The following ENTPD6 variants were observed in gnomAD, a reference collection of about 807,000 sequenced individuals.
The protein encoded by ENTPD6 is ectonucleoside triphosphate diphosphohydrolase 6.
A neutral mutation model predicts 61.5 loss-of-function variants in ENTPD6; 46 were observed. The observed-to-expected ratio is 0.75, with a 90% confidence interval of 0.59 to 0.96. The LOEUF (loss-of-function observed/expected upper bound fraction) is 0.96, where lower values mean the gene tolerates loss of function less well. Ranked by LOEUF, ENTPD6 falls within the 40% of genes least tolerant of loss-of-function variation. The pLI is 0.00. For missense variants in ENTPD6, 612 were observed against 629.0 expected (o/e 0.97, Z 0.29); for synonymous variants, 252 against 255.5 (o/e 0.99, Z 0.13).
Position 25,214,943 on chromosome 20 carries a change from G to A in ENTPD6, c.673+1G>A. 1 of 1,604,394 alleles carries A rather than the reference G, an allele frequency of 6.2e-7. No homozygotes were observed. The highest frequency in any genetic ancestry group is 8.5e-7 in the Non-Finnish European group (1 of 1,171,184). On this transcript the variant is annotated splice_donor_variant, in intron 6 of 14. Coordinates refer to ENST00000376652, the MANE Select transcript of ENTPD6 (RefSeq NM_001247.5). LOFTEE classifies it high-confidence loss of function. ...TCCATCATGAACGGAACAGATGAAG[G>A]TAAATGGCTGGAAGCACCTCTGTAC... is the stretch of plus-strand genomic sequence containing the variant.
At position 25,207,351 on chromosome 20, in the gene ENTPD6, C is replaced by G; in HGVS notation, c.330C>G (p.Ser110Arg). ...ACGGGATCATGTTTGATGCAGGAAG[C>G]ACTGGCACCCGAGTACACGTCTTCC... ...VFYGIMFDAG[S>R]TGTRVHVFQF... Residue 110 changes from serine to arginine, a missense_variant, in exon 3 of 15, where the codon AGC becomes AGG. Coordinates refer to ENST00000376652, the MANE Select transcript of ENTPD6 (RefSeq NM_001247.5). 1 of 1,566,124 alleles carries G rather than the reference C, an allele frequency of 6.4e-7. No homozygotes were observed. Among genetic ancestry groups the G allele is most frequent in the East Asian group, 2.3e-5 (1 of 44,140 alleles).
At chr20:25,210,052 A>C in intron 4 of ENTPD6, 127 bp downstream of exon 4, 1 of 875,100 alleles carries the variant, frequency 1.1e-6, no homozygotes, top group South Asian at 1.4e-5. Context: ...TGGGCATTTC[A>C]TGCCATTTGG....
At chr20:25,196,271 C>G (rs2090398598) in intron 1 of ENTPD6, 1 of 1,038,900 alleles carries the variant, frequency 9.6e-7, no homozygotes, top group Non-Finnish European at 1.2e-6. Flanking sequence ...TCAGGCCGCT[C>G]GGACAGGACT....
rs1203983309 is a variant in ENTPD6, at chr20:25,217,549, G to A, written c.846G>A (p.Met282Ile). ...CCGGCTACCTGACGGCACTGCGGAT[G>A]TTTAACAGGACCTACAAGCTCTATT... ...SPPGYLTALRMFNRTYKLYSY... is the reference protein window; with the variant it reads ...SPPGYLTALRIFNRTYKLYSY... The change falls in exon 9 of 15, where the codon ATG becomes ATA. Residue 282 changes from methionine (M) to isoleucine (I), a missense_variant. Physicochemically the swap from Met to Ile is conservative, Grantham distance 10. Transcript: ENST00000376652. 2.5e-6 allele frequency: 4 copies of A among 1,614,182 alleles called. No homozygotes were observed. The highest frequency in any genetic ancestry group is 8.5e-7 in the Non-Finnish European group (1 of 1,180,020).
rs1390932306 is a variant in ENTPD6 at position 25,220,036 on chromosome 20, C to G, written c.944-1196C>G. On this transcript the variant is annotated intron_variant, in intron 10 of 14. Transcript: ENST00000376652. ...GTTCCCAGGGAGTCGTGGCTCAGAC[C>G]CTGAGTCCTCTCACACCCAGCAGAG... is the stretch of plus-strand genomic sequence containing the variant. 2.0e-5 allele frequency among the ~76,000 whole-genome samples: 3 copies of G among 152,150 alleles called. No individual in the cohort carries two copies. The East Asian group carries it at 5.8e-4, about 29-fold the overall frequency.
At chr20:25,196,628 C>G (rs76787656) in intron 1 of ENTPD6, among the ~76,000 whole-genome samples, 26,671 of 152,110 alleles carry the variant, frequency 0.18, 3,182 homozygotes, top group Admixed American at 0.3. Flanking sequence ...CTTACCTGCG[C>G]GAAGCCACAC....
chr20:25,215,354 G>C (rs903319493), intron 6 of ENTPD6, among the ~76,000 whole-genome samples: 1 of 152,214 alleles, frequency 6.6e-6, no homozygotes, highest in African/African-American at 2.4e-5. Context: ...TTGAGAGTGA[G>C]TGTGTATGGA....
chr20:25,207,359 C>A lies in ENTPD6; in HGVS notation c.338C>A (p.Thr113Asn). 1 of 1,556,768 alleles carries A rather than the reference C, an allele frequency of 6.4e-7. No homozygotes were observed. Among genetic ancestry groups the A allele is most frequent in the Non-Finnish European group, 8.7e-7 (1 of 1,146,384 alleles). ...GIMFDAGSTG[T>N]RVHVFQFTRP... is the part of the protein sequence containing the mutation. The stretch of plus-strand genomic sequence containing the variant: ...ATGTTTGATGCAGGAAGCACTGGCA[C>A]CCGAGTACACGTCTTCCAGTTCACC... Residue 113 changes from threonine (T) to asparagine (N), a missense_variant, in exon 3 of 15, where the codon ACC (threonine) becomes AAC (asparagine). Coordinates refer to ENST00000376652, the MANE Select transcript of ENTPD6 (RefSeq NM_001247.5).
chr20:25,218,690 G>A (rs2092482679), intron 10 of ENTPD6, 76 bp downstream of exon 10: 41 of 1,428,352 alleles, frequency 2.9e-5, no homozygotes, highest in South Asian at 5.4e-5. Context: ...GGAGCCCCTC[G>A]GGAGGGCACC....
In ENTPD6 at chr20:25,220,384, C is replaced by T. The variant is rs147022389; in HGVS notation, c.944-848C>T. ...CATGTGGCTGTGGCAGCTGTCTAGA[C>T]GCCCCCTGCTGGGGTTCTGGGGGTC... is the stretch of plus-strand genomic sequence containing the variant. On this transcript the variant is annotated intron_variant, in intron 10 of 14. Transcript: ENST00000376652. 1.7e-4 allele frequency among the ~76,000 whole-genome samples: 25 copies of T among 151,414 alleles called. No homozygotes were observed. In the South Asian group the frequency reaches 2.1e-3, roughly 13 times the overall value.
intron 1 of ENTPD6, among the ~76,000 whole-genome samples, chr20:25,197,471 C>G (rs1268483530): frequency 2.0e-5 from 3 of 152,234 alleles, no homozygotes; most frequent in Admixed American, 1.3e-4. Context: ...CTTTAAAGAA[C>G]AGACTGAGAT....
chr20:25,196,154 C>G lies in ENTPD6; in HGVS notation c.-16+287C>G, dbSNP rs2090377589. The G allele has an allele frequency of 2.5e-6, 3 of 1,216,994 alleles. No homozygotes were observed. The East Asian group carries it at 9.8e-5, about 40-fold the overall frequency. The allele number at this position is 1,216,994 out of a possible 1,614,324, so 75.4% of individuals were successfully genotyped here. ...AGCCCTGCTGCGTTCATTCATTCAGCCCGCTTTTGCGGACCCGCCCCCAGT... is the reference window on the plus strand; with the variant it reads ...AGCCCTGCTGCGTTCATTCATTCAGGCCGCTTTTGCGGACCCGCCCCCAGT... On this transcript the variant is annotated intron_variant, in intron 1 of 14. Coordinates refer to ENST00000376652, the MANE Select transcript of ENTPD6 (RefSeq NM_001247.5).
At chr20:25,217,209 G>A (rs1206151717) in intron 8 of ENTPD6, among the ~76,000 whole-genome samples, 2 of 152,160 alleles carry the variant, frequency 1.3e-5, no homozygotes, top group Non-Finnish European at 1.5e-5. Context: ...TCATCCTCCT[G>A]TTATGGGTAG....
rs367966068 is a variant in ENTPD6 at position 25,222,995 on chromosome 20, G to C, written c.1186+17G>C. ...GCCTCATAGGTAAGGGGGCCCGGAT[G>C]GGCTGAGCAGGAAGGTCGGGGCGGC... On this transcript the variant is annotated intron_variant, in intron 12 of 14. Coordinates refer to ENST00000376652, the MANE Select transcript of ENTPD6 (RefSeq NM_001247.5). 13 of 1,609,378 alleles carry C rather than the reference G, an allele frequency of 8.1e-6. No individual in the cohort carries two copies. In the South Asian group the frequency reaches 1.2e-4, roughly 15 times the overall value.
chr20:25,199,726 A>G (rs565360131), intron 1 of ENTPD6, among the ~76,000 whole-genome samples: 1 of 152,094 alleles, frequency 6.6e-6, no homozygotes, highest in Non-Finnish European at 1.5e-5. Context: ...GTGGAATCCT[A>G]CAATATTTGT....
rs2092379920 is a variant in ENTPD6, at chr20:25,217,518, C to T, written c.815C>T (p.Ser272Phe). 2.5e-6 allele frequency: 4 copies of T among 1,614,104 alleles called. No individual in the cohort carries two copies. In the African/African-American group the frequency reaches 5.3e-5, roughly 22 times the overall value. The part of the protein sequence containing the change: ...LPRVEGTLQA[S>F]PPGYLTALRM... ...CTTCTCCAGGGCACCCTGCAGGCCT[C>T]CCCACCCGGCTACCTGACGGCACTG... The change falls in exon 9 of 15, where the codon TCC becomes TTC. Residue 272 changes from serine (S) to phenylalanine (F), a missense_variant. Transcript: ENST00000376652.
chr20:25,213,236 C>A, intron 4 of ENTPD6, 27 bp from the exon 5 acceptor site: 1 of 1,614,066 alleles, frequency 6.2e-7, no homozygotes. Context: ...CTTGACAGAC[C>A]CTGCTTTGCT....
chr20:25,202,397 T>A (rs1464242858), intron 1 of ENTPD6, among the ~76,000 whole-genome samples: 1 of 152,232 alleles, frequency 6.6e-6, no homozygotes, highest in Non-Finnish European at 1.5e-5. Flanking sequence ...AAGTAATTAC[T>A]CATAGGGAAG....
At position 25,215,549 on chromosome 20, in the gene ENTPD6, G is replaced by C. The variant is rs531880766; in HGVS notation, c.674-127G>C. ...GCTCCTCTCTGCCGATGATCTGAAG[G>C]CTGGGTGTAGTGCGGAAGTGATCCC... On this transcript the variant is annotated intron_variant, in intron 6 of 14. Transcript: ENST00000376652. 3 of 884,134 alleles carry C rather than the reference G, an allele frequency of 3.4e-6. No homozygotes were observed. The South Asian group carries it at 4.2e-5, about 12-fold the overall frequency. 54.8% of individuals were successfully genotyped at this position (884,134 alleles called of 1,614,324 possible). A position where few individuals can be genotyped will look rare whatever the true frequency, so the allele number is the denominator to read the frequency against.
Sources: gnomAD v4.1 joint callset for allele counts (sites outside exome capture counted in the v4.1 genomes callset) on GRCh38, gnomAD v4.1.1 for gene constraint, MANE v1.5 for transcripts, NCBI Gene and HGNC (gene_info 2026-07-23, HGNC 2026-07-21) for gene names.